The following SRRM3 variants were observed in gnomAD, a reference collection of about 807,000 sequenced individuals.
The protein encoded by SRRM3 is serine/arginine repetitive matrix 3, also known as serine/arginine repetitive matrix protein 3.
A neutral mutation model predicts 66.2 loss-of-function variants in SRRM3; 27 were observed. The observed-to-expected ratio is 0.41, with a 90% confidence interval of 0.30 to 0.56. SRRM3 has a LOEUF of 0.56. Among genes scored for constraint, SRRM3 ranks in the 20% least tolerant of loss-of-function variants. SRRM3 has a pLI of 0.32. For synonymous variants in SRRM3, 391 were observed against 414.9 expected, an observed-to-expected ratio of 0.94 and a Z score of 0.70; for missense variants, 918 against 991.9, an observed-to-expected ratio of 0.93 and a Z score of 1.00.
intron 3 of SRRM3, among the ~76,000 whole-genome samples, chr7:76,252,176 A>G (rs1392946962): frequency 6.6e-6 from 1 of 152,242 alleles, no homozygotes; most frequent in Non-Finnish European, 1.5e-5. Flanking sequence ...CCACAACAGT[A>G]TCTATCGAGT....
At chr7:76,236,429 T>G (rs1801156152) in intron 2 of SRRM3, among the ~76,000 whole-genome samples, 1 of 115,734 alleles carries the variant, frequency 8.6e-6, no homozygotes, top group Non-Finnish European at 1.7e-5. Flanking sequence ...AAATCGGAAA[T>G]TCCCTACACG....
intron 1 of SRRM3, among the ~76,000 whole-genome samples, chr7:76,209,302 A>G (rs553619458): frequency 6.6e-6 from 1 of 152,374 alleles, no homozygotes; most frequent in Non-Finnish European, 1.5e-5. Flanking sequence ...GAAGGCAGTC[A>G]TGAAAACTGA....
chr7:76,274,375 T>C (rs1476926670), intron 11 of SRRM3, among the ~76,000 whole-genome samples: 2 of 152,158 alleles, frequency 1.3e-5, no homozygotes, highest in Non-Finnish European at 2.9e-5. Flanking sequence ...ATCTATTGGG[T>C]GCAATTAGTA....
rs116341725 is a variant in SRRM3 at position 76,276,851 on chromosome 7, C to T, written c.1009-4590C>T. Among the ~76,000 whole-genome samples the T allele has an allele frequency of 1.7e-3, 255 of 152,254 alleles. 1 individual carries two copies. The highest frequency in any genetic ancestry group is 5.9e-3 in the African/African-American group (245 of 41,550). ...TACTTGGTGGACACCGCATAGGGTC[C>T]CCCAGTCCTTCCTGCACTGCTCTGA... On this transcript the variant is annotated intron_variant, in intron 11 of 14. Transcript: ENST00000611745.
intron 1 of SRRM3, among the ~76,000 whole-genome samples, chr7:76,232,150 C>T (rs577860479): frequency 4.6e-5 from 7 of 152,306 alleles, no homozygotes; most frequent in East Asian, 1.9e-4. Flanking sequence ...ATGCACTAGG[C>T]GCTTAGCTGG....
intron 3 of SRRM3, among the ~76,000 whole-genome samples, chr7:76,256,557 C>T (rs371752549): frequency 4.6e-5 from 7 of 151,870 alleles, no homozygotes; most frequent in African/African-American, 1.7e-4. Context: ...CCGAGGGCTG[C>T]TGGTTGCCCA....
chr7:76,250,055 A>AT (rs1801538792), intron 3 of SRRM3, among the ~76,000 whole-genome samples: 1 of 151,170 alleles, frequency 6.6e-6, no homozygotes, highest in Non-Finnish European at 1.5e-5. Flanking sequence ...ATTTTTATTT[A>AT]TTTTTTGACA....
At chr7:76,239,246 C>T (rs1214962803) in intron 2 of SRRM3, among the ~76,000 whole-genome samples, 2 of 152,160 alleles carry the variant, frequency 1.3e-5, no homozygotes, top group East Asian at 3.9e-4. Context: ...GTTGGCCAGG[C>T]TGGTCTCGAA....
At chr7:76,239,422 G>T (rs150657854) in intron 2 of SRRM3, among the ~76,000 whole-genome samples, 1 of 152,124 alleles carries the variant, frequency 6.6e-6, no homozygotes, top group African/African-American at 2.4e-5. Context: ...CATTCCAGCC[G>T]CTGTGGCTCA....
rs1554609287 is a variant in SRRM3, at chr7:76,264,931, G to T, written c.725+116G>T. ...AAAGGTAGCTCATTTTGCCCAGATGGAAAAATTAAGATCTAGAAAGAAAGC... is the reference window on the plus strand; with the variant it reads ...AAAGGTAGCTCATTTTGCCCAGATGTAAAAATTAAGATCTAGAAAGAAAGC... On this transcript the variant is annotated intron_variant, in intron 9 of 14. Transcript: ENST00000611745. The T allele has an allele frequency of 3.5e-6, 4 of 1,144,072 alleles. No homozygotes were observed. In the East Asian group the frequency reaches 1.0e-4, roughly 30 times the overall value. The allele number at this position is 1,144,072 out of a possible 1,614,324, so 70.9% of individuals were successfully genotyped here. A position where few individuals can be genotyped will look rare whatever the true frequency, so the allele number is the denominator to read the frequency against.
intron 10 of SRRM3, 43 bp from the exon 11 acceptor site, chr7:76,267,215 G>A: frequency 6.8e-7 from 1 of 1,468,064 alleles, no homozygotes; most frequent in Non-Finnish European, 9.0e-7. Context: ...CAAAGCGGGT[G>A]TCCCACGCCG....
intron 1 of SRRM3, among the ~76,000 whole-genome samples, chr7:76,202,630 G>A (rs1800181080): frequency 6.6e-6 from 1 of 152,184 alleles, no homozygotes. Context: ...GGAGGACACA[G>A]AAGAGAAAAT....
intron 8 of SRRM3, among the ~76,000 whole-genome samples, chr7:76,264,410 C>T (rs911583124): frequency 1.3e-5 from 2 of 152,162 alleles, no homozygotes; most frequent in Admixed American, 1.3e-4. Flanking sequence ...AAGTGATCCA[C>T]TGGCCTCAGC....
chr7:76,202,375 G>A (rs1800172182), intron 1 of SRRM3, among the ~76,000 whole-genome samples: 1 of 152,196 alleles, frequency 6.6e-6, no homozygotes, highest in Admixed American at 6.5e-5. Flanking sequence ...TCCCACTGAG[G>A]AGAAGGACCT....
chr7:76,264,366 A>G (rs1223306282), intron 8 of SRRM3, among the ~76,000 whole-genome samples: 1 of 150,096 alleles, frequency 6.7e-6, no homozygotes, highest in Non-Finnish European at 1.5e-5. Flanking sequence ...GGGTTTCTCC[A>G]TGTTGGTCAG....
At chr7:76,266,189 A>ATAAATATTTATATATTTAATATAT (rs1802024640) in intron 10 of SRRM3, among the ~76,000 whole-genome samples, 1 of 93,618 alleles carries the variant, frequency 1.1e-5, no homozygotes, top group Non-Finnish European at 1.8e-5. Flanking sequence ...TTTAATATAT[A>ATAAATATTTATATATTTAATATAT]TAAATATTTA....
intron 11 of SRRM3, among the ~76,000 whole-genome samples, chr7:76,278,538 C>T (rs1423143697): frequency 6.6e-6 from 1 of 152,094 alleles, no homozygotes; most frequent in East Asian, 1.9e-4. Flanking sequence ...GCCTCCAACT[C>T]TCCTAGCCTA....
At chr7:76,208,823 G>A (rs1800361877) in intron 1 of SRRM3, among the ~76,000 whole-genome samples, 1 of 136,140 alleles carries the variant, frequency 7.3e-6, no homozygotes, top group Non-Finnish European at 1.6e-5. Context: ...TGAGTGTAGA[G>A]CAAGAAGACC....
At chr7:76,219,910 A>T (rs1444453054) in intron 1 of SRRM3, among the ~76,000 whole-genome samples, 1 of 151,878 alleles carries the variant, frequency 6.6e-6, no homozygotes, top group Non-Finnish European at 1.5e-5. Context: ...ATACTGTCTC[A>T]AAAACAAACA....
Sources: allele counts gnomAD v4.1 joint callset (sites outside exome capture counted in the v4.1 genomes callset), GRCh38; gene constraint gnomAD v4.1.1; transcripts MANE v1.5; gene names NCBI Gene and HGNC (gene_info 2026-07-23, HGNC 2026-07-21).